The following KYNU variants were observed in gnomAD, a reference collection of about 807,000 sequenced individuals.
KYNU encodes L-kynurenine hydrolase.
Under a neutral mutation model 59.2 loss-of-function variants are expected in KYNU, and 54 were observed. That is an observed-to-expected ratio of 0.91 (90% CI 0.73 to 1.14). The LOEUF (loss-of-function observed/expected upper bound fraction) is 1.14. Among genes scored for constraint, KYNU ranks in the 50% most tolerant of loss-of-function variants. The pLI, the probability that KYNU is intolerant of heterozygous loss-of-function variation, is 0.00. For synonymous variants in KYNU, 177 were observed against 192.0 expected, an observed-to-expected ratio of 0.92 and a Z score of 0.65; for missense variants, 567 against 554.4, an observed-to-expected ratio of 1.02 and a Z score of -0.23.
chr2:142,913,865 T>G (rs1259125754), intron 2 of KYNU, among the ~76,000 whole-genome samples: 1 of 152,246 alleles, frequency 6.6e-6, no homozygotes, highest in East Asian at 1.9e-4. Context: ...TTTATGAATC[T>G]GGGTGCTCCA....
At chr2:143,036,799 A>T (rs548753710) in intron 12 of KYNU, among the ~76,000 whole-genome samples, 1 of 152,306 alleles carries the variant, frequency 6.6e-6, no homozygotes, top group South Asian at 2.1e-4. Context: ...TATCTTTTTA[A>T]ACCAGTTTAT....
At chr2:143,013,369 C>G (rs78783061) in intron 10 of KYNU, among the ~76,000 whole-genome samples, 1 of 151,378 alleles carries the variant, frequency 6.6e-6, no homozygotes, top group South Asian at 2.1e-4. Context: ...TTAGGTTGAT[C>G]CCAAATCTTC....
chr2:142,889,884 T>A (rs1681653866), intron 2 of KYNU, among the ~76,000 whole-genome samples: 1 of 152,130 alleles, frequency 6.6e-6, no homozygotes, highest in Non-Finnish European at 1.5e-5. Context: ...TGAGATTTTT[T>A]TTTTTAATCT....
intron 10 of KYNU, among the ~76,000 whole-genome samples, chr2:143,022,564 A>G (rs1319451212): frequency 6.6e-6 from 1 of 151,960 alleles, no homozygotes; most frequent in Non-Finnish European, 1.5e-5. Context: ...TTTGTTTTCT[A>G]TGCACTGAGC....
intron 8 of KYNU, among the ~76,000 whole-genome samples, chr2:142,976,603 C>T (rs908472945): frequency 6.6e-6 from 1 of 152,132 alleles, no homozygotes; most frequent in African/African-American, 2.4e-5. Context: ...TATTTGAAAT[C>T]TATCATTAGG....
chr2:142,923,517 C>T (rs1158482818), intron 3 of KYNU, among the ~76,000 whole-genome samples: 1 of 152,062 alleles, frequency 6.6e-6, no homozygotes, highest in Non-Finnish European at 1.5e-5. Flanking sequence ...AATGAGTAGG[C>T]AATAGGCATG....
At chr2:142,924,183 C>A (rs537934798) in intron 3 of KYNU, among the ~76,000 whole-genome samples, 2 of 152,260 alleles carry the variant, frequency 1.3e-5, no homozygotes, top group Admixed American at 1.3e-4. Flanking sequence ...TAGCTCACTG[C>A]AGCCTTAAAC....
In KYNU at chr2:143,042,630, A is replaced by ATGTGTGTG. The variant is rs1199910652; in HGVS notation, c.*470_*477dup. 2 of 118,124 alleles carry ATGTGTGTG rather than the reference A, an allele frequency of 1.7e-5. No individual in the cohort carries two copies. The highest frequency in any genetic ancestry group is 8.4e-5 in the African/African-American group (2 of 23,854). The allele number at this position is 118,124 out of a possible 1,614,324, so 7.3% of individuals were successfully genotyped here. On this transcript the variant is annotated 3_prime_UTR_variant, in exon 14 of 14. Transcript: ENST00000264170. ...TATATATATATATATATATATATAT[A>ATGTGTGTG]TGTGTGTGTGTGTGTGTGTATATAT...
chr2:142,966,053 G>T (rs1684520065), intron 8 of KYNU, among the ~76,000 whole-genome samples: 1 of 151,950 alleles, frequency 6.6e-6, no homozygotes, highest in South Asian at 2.1e-4. Context: ...GTGAAAATAA[G>T]ATATAAAGCA....
At chr2:143,023,317 A>C (rs1329022457) in intron 10 of KYNU, among the ~76,000 whole-genome samples, 1 of 151,806 alleles carries the variant, frequency 6.6e-6, no homozygotes, top group Non-Finnish European at 1.5e-5. Flanking sequence ...GTCTTATTGG[A>C]TTATACTCAG....
intron 10 of KYNU, among the ~76,000 whole-genome samples, chr2:143,025,240 CTT>C (rs1318715168): frequency 2.0e-5 from 3 of 152,088 alleles, no homozygotes; most frequent in Non-Finnish European, 2.9e-5. Context: ...TTCAGGCAAT[CTT>C]TTCCTCGTGC....
chr2:142,930,244 C>T (rs1683166266), intron 4 of KYNU, among the ~76,000 whole-genome samples: 1 of 152,148 alleles, frequency 6.6e-6, no homozygotes, highest in Non-Finnish European at 1.5e-5. Flanking sequence ...TTAGTCCTCA[C>T]ACCTCCAGAA....
intron 4 of KYNU, among the ~76,000 whole-genome samples, chr2:142,946,662 A>G (rs1284114131): frequency 6.6e-6 from 1 of 152,226 alleles, no homozygotes; most frequent in Non-Finnish European, 1.5e-5. Context: ...GCACAGGAAG[A>G]GTAGATTAAG....
intron 10 of KYNU, among the ~76,000 whole-genome samples, chr2:143,024,767 T>G (rs1165835369): frequency 6.6e-6 from 1 of 152,142 alleles, no homozygotes; most frequent in African/African-American, 2.4e-5. Context: ...TGTTGCATTT[T>G]TTCAATGTAG....
At chr2:142,956,916 G>A (rs955892562) in intron 6 of KYNU, among the ~76,000 whole-genome samples, 2 of 152,120 alleles carry the variant, frequency 1.3e-5, no homozygotes, top group Non-Finnish European at 2.9e-5. Flanking sequence ...ACCAAGGCAG[G>A]AGGAACACTT....
chr2:142,909,102 T>C (rs1165696233), intron 2 of KYNU, among the ~76,000 whole-genome samples: 2 of 152,172 alleles, frequency 1.3e-5, no homozygotes, highest in Non-Finnish European at 2.9e-5. Flanking sequence ...GTATTTACAA[T>C]TGTGATCATA....
At chr2:142,886,742 C>T (rs1271383401) in intron 2 of KYNU, among the ~76,000 whole-genome samples, 3 of 152,166 alleles carry the variant, frequency 2.0e-5, no homozygotes, top group South Asian at 2.1e-4. Context: ...GTGATATGTG[C>T]ATCACACAAT....
chr2:142,989,437 ACTG>A, intron 10 of KYNU: 1 of 984,866 alleles, frequency 1.0e-6, no homozygotes, highest in Non-Finnish European at 1.2e-6. Context: ...AACAAATGTA[ACTG>A]CTATTGATGT....
At chr2:142,881,916 C>CTTTTTTTTTTTTT (rs869099302) in intron 1 of KYNU, among the ~76,000 whole-genome samples, 29 of 113,168 alleles carry the variant, frequency 2.6e-4, no homozygotes, top group African/African-American at 3.4e-4. Flanking sequence ...TTTCTTTTTT[C>CTTTTTTTTTTTTT]TTTTTTTTTT....
Sources: allele counts gnomAD v4.1 joint callset (sites outside exome capture counted in the v4.1 genomes callset), GRCh38; gene constraint gnomAD v4.1.1; transcripts MANE v1.5; gene names NCBI Gene and HGNC (gene_info 2026-07-23, HGNC 2026-07-21).